The following TAF1D variants were observed in gnomAD, a reference collection of about 807,000 sequenced individuals.
The protein encoded by TAF1D is TATA-box binding protein associated factor, RNA polymerase I subunit D, also known as TATA box-binding protein-associated factor RNA polymerase I subunit D.
A neutral mutation model predicts 26.2 loss-of-function variants in TAF1D; 23 were observed. The observed-to-expected ratio is 0.88, with a 90% confidence interval of 0.63 to 1.25. The LOEUF (loss-of-function observed/expected upper bound fraction) is 1.25. Ranked by LOEUF, TAF1D falls within the 50% of genes most tolerant of loss-of-function variation. TAF1D has a pLI of 0.00. For synonymous variants in TAF1D, 100 were observed against 105.6 expected (o/e 0.95, Z 0.33); for missense variants, 299 against 322.0 (o/e 0.93, Z 0.55).
chr11:93,731,076 TTC>T (rs746796055), downstream of TAF1D: 5 of 518,860 alleles, frequency 9.6e-6, no homozygotes, highest in Admixed American at 9.7e-5. Context: ...AGAAACTGCA[TTC>T]TAAAAGCCTT....
intron 1 of TAF1D, among the ~76,000 whole-genome samples, chr11:93,739,622 T>C (rs1317731045): frequency 6.6e-6 from 1 of 152,200 alleles, no homozygotes; most frequent in Non-Finnish European, 1.5e-5. Context: ...TGTAGTTTTA[T>C]CATTAGCCAC....
intron 3 of TAF1D, 80 bp from the exon 4 acceptor site, chr11:93,737,319 G>GC (rs989589734): frequency 2.9e-5 from 28 of 952,764 alleles, no homozygotes; most frequent in African/African-American, 5.0e-5. Context: ...AAAGGGCAAT[G>GC]CCCCCCCTTA....
In TAF1D at chr11:93,738,338, A is replaced by C; in HGVS notation, c.230T>G (p.Ile77Arg). Residue 77 changes from isoleucine (I) to arginine (R), a missense_variant, in exon 3 of 6, where the codon ATA (isoleucine) becomes AGA (arginine). By Grantham distance (97) the Ile-to-Arg change is moderately conservative. Coordinates refer to ENST00000448108, the MANE Select transcript of TAF1D (RefSeq NM_024116.4). ...DSSFEPIPLT[I>R]KAIFERFKNR... is the part of the protein sequence containing the mutation. The stretch of plus-strand genomic sequence containing the variant: ...CTTGAATCTTTCAAAAATAGCTTTT[A>C]TAGTCAATGGTATTGGTTCAAAAGA... 1 of 1,612,734 alleles carries C rather than the reference A, an allele frequency of 6.2e-7. No homozygotes were observed. Among genetic ancestry groups the C allele is most frequent in the Non-Finnish European group, 8.5e-7 (1 of 1,179,754 alleles).
intron 2 of TAF1D, chr11:93,738,899 T>G (rs1941273104): frequency 9.1e-6 from 3 of 331,356 alleles, no homozygotes; most frequent in Non-Finnish European, 1.1e-5. Context: ...AGACAATGTA[T>G]GAGCTCCAAA....
chr11:93,737,003 AATTAAC>A, intron 4 of TAF1D, 55 bp downstream of exon 4: 1 of 1,378,370 alleles, frequency 7.3e-7, no homozygotes, highest in Non-Finnish European at 9.7e-7. Context: ...AATATGAAGC[AATTAAC>A]ATAGAAATTT....
intron 1 of TAF1D, among the ~76,000 whole-genome samples, chr11:93,740,433 G>GAAAAAAAAA (rs59420824): frequency 4.1e-5 from 2 of 48,394 alleles, no homozygotes; most frequent in African/African-American, 1.4e-4. Context: ...CCTGTCTCAG[G>GAAAAAAAAA]AAAAAAAAAA....
At chr11:93,738,923 C>T (rs947364460) in intron 2 of TAF1D, 4 of 380,652 alleles carry the variant, frequency 1.1e-5, no homozygotes, top group Non-Finnish European at 9.4e-6. Flanking sequence ...CTGTATGGTT[C>T]GGTTCACTGC....
At chr11:93,739,102 CTAGA>C (rs1213067066) in intron 2 of TAF1D, 131 bp downstream of exon 2, 2 of 637,656 alleles carry the variant, frequency 3.1e-6, no homozygotes, top group South Asian at 2.1e-5. Flanking sequence ...ATCTATGTAA[CTAGA>C]TAAACTTGGA....
At chr11:93,741,011 G>C (rs189330624) in intron 1 of TAF1D, among the ~76,000 whole-genome samples, 268 of 152,330 alleles carry the variant, frequency 1.8e-3, no homozygotes, top group African/African-American at 6.1e-3. Flanking sequence ...AAACCGGCGC[G>C]AGTAATGGGT....
intron 1 of TAF1D, among the ~76,000 whole-genome samples, chr11:93,740,433 G>GAAAAAAA (rs59420824): frequency 4.1e-5 from 2 of 48,394 alleles, no homozygotes; most frequent in African/African-American, 1.4e-4. Context: ...CCTGTCTCAG[G>GAAAAAAA]AAAAAAAAAA....
chr11:93,735,389 A>G, downstream of TAF1D: 10 of 1,005,758 alleles, frequency 9.9e-6, no homozygotes, highest in Non-Finnish European at 1.2e-5. Context: ...ATGGTAGTTA[A>G]AAGTAGTATT....
downstream of TAF1D, chr11:93,735,009 C>T (rs1173739744): frequency 2.5e-6 from 3 of 1,222,292 alleles, no homozygotes; most frequent in Admixed American, 8.1e-5. Context: ...AGCAATACTC[C>T]CACCTTGGTG....
chr11:93,735,082 T>G (rs769821996), downstream of TAF1D: 12 of 1,315,188 alleles, frequency 9.1e-6, no homozygotes, highest in South Asian at 1.4e-4. Flanking sequence ...CTATCAATAC[T>G]CCCATCAATC....
chr11:93,736,516 C>A, intron 5 of TAF1D, 178 bp downstream of exon 5: 6 of 1,423,340 alleles, frequency 4.2e-6, no homozygotes, highest in Non-Finnish European at 4.6e-6. Flanking sequence ...GTACTGAAAA[C>A]CCCATGTTCT....
chr11:93,741,298 G>C (rs550349878), intron 1 of TAF1D, 24 bp downstream of exon 1: 8 of 456,032 alleles, frequency 1.8e-5, no homozygotes, highest in Non-Finnish European at 3.5e-5. Context: ...AGGCCCGGAC[G>C]GCCTCGCCCT....
chr11:93,736,667 G>A, intron 5 of TAF1D, 27 bp downstream of exon 5: 2 of 1,606,186 alleles, frequency 1.2e-6, no homozygotes, highest in Non-Finnish European at 1.7e-6. Context: ...TTCCCAAAAT[G>A]GAATAGGAAA....
At chr11:93,730,250 G>C in exon 12 of TAF1D, 2 of 1,550,578 alleles carry the variant, frequency 1.3e-6, no homozygotes, top group South Asian at 1.2e-5. Flanking sequence ...GAGAAACTTC[G>C]AGCCAAAAAT....
At chr11:93,732,290 C>T (rs765051302), downstream of TAF1D, 2 of 495,214 alleles carry the variant, frequency 4.0e-6, no homozygotes, top group East Asian at 5.5e-5. Context: ...CAATTTGACA[C>T]CCTGGAAAAA....
At chr11:93,739,418 C>A in intron 1 of TAF1D, 87 bp from the exon 2 acceptor site, 1 of 784,548 alleles carries the variant, frequency 1.3e-6, no homozygotes, top group Non-Finnish European at 2.0e-6. Flanking sequence ...TCAGACTATG[C>A]CAATGATTTC....
Sources: allele counts gnomAD v4.1 joint callset (sites outside exome capture counted in the v4.1 genomes callset), GRCh38; gene constraint gnomAD v4.1.1; transcripts MANE v1.5; gene names NCBI Gene and HGNC (gene_info 2026-07-23, HGNC 2026-07-21).